The following ANKS3 variants were observed in gnomAD, a reference collection of about 807,000 sequenced individuals.
The protein encoded by ANKS3 is ankyrin repeat and sterile alpha motif domain containing 3.
A neutral mutation model predicts 80.7 loss-of-function variants in ANKS3; 62 were observed. The ratio of observed to expected loss-of-function variants is 0.77; its 90% confidence interval spans 0.63 to 0.95. The LOEUF (loss-of-function observed/expected upper bound fraction) is 0.95, where lower values mean the gene tolerates loss of function less well. Ranked by LOEUF, ANKS3 falls within the 40% of genes least tolerant of loss-of-function variation. The probability of loss-of-function intolerance (pLI) is 0.00; values close to 1 mark genes in which losing one functional copy is unlikely to be tolerated. For missense variants in ANKS3, 1,150 were observed against 883.6 expected (o/e 1.30, Z -3.82); for synonymous variants, 489 against 355.3 (o/e 1.38, Z -4.23).
At position 4,730,092 on chromosome 16, in the gene ANKS3, T is replaced by C. The variant is rs144184006; in HGVS notation, c.58A>G (p.Met20Val). The C allele has an allele frequency of 7.7e-5, 122 of 1,594,216 alleles. No individual in the cohort carries two copies. In the African/African-American group the frequency reaches 1.2e-3, roughly 16 times the overall value. ...ACCTGTGTCCCGAGCCCGTGCCACA[T>C]GGACAAGCTGCGGTTCAGGAGTTCC... ...EPELLNRSLS[M>V]WHGLGTQVSG... is the part of the protein sequence containing the mutation. The change falls in exon 3 of 18, where the codon ATG (methionine) becomes GTG (valine). Residue 20 changes from methionine (M) to valine (V), a missense_variant. Coordinates refer to ENST00000304283, the MANE Select transcript of ANKS3 (RefSeq NM_133450.4).
At position 4,696,886 on chromosome 16, in the gene ANKS3, A is replaced by G. The variant is rs2079579629; in HGVS notation, c.*22T>C. ...CAGCTTCAGGGTGGACCAATCACCCAACGTCAGATTCTGAAAGAAAAAGCC... is the reference window on the plus strand; with the variant it reads ...CAGCTTCAGGGTGGACCAATCACCCGACGTCAGATTCTGAAAGAAAAAGCC... On this transcript the variant is annotated 3_prime_UTR_variant, in exon 18 of 18. Coordinates refer to ENST00000304283, the MANE Select transcript of ANKS3 (RefSeq NM_133450.4). The G allele has an allele frequency of 1.2e-6, 1 of 825,588 alleles. No individual in the cohort carries two copies. Among genetic ancestry groups the G allele is most frequent in the Non-Finnish European group, 1.9e-6 (1 of 513,500 alleles). The allele number at this position is 825,588 out of a possible 1,614,324, so 51.1% of individuals were successfully genotyped here.
chr16:4,725,642 A>T (rs2081309647), intron 5 of ANKS3, among the ~76,000 whole-genome samples: 1 of 152,194 alleles, frequency 6.6e-6, no homozygotes, highest in Non-Finnish European at 1.5e-5. Context: ...CTTCCAACTT[A>T]TAAAACTCAT....
intron 7 of ANKS3, among the ~76,000 whole-genome samples, chr16:4,710,429 C>T (rs2080423100): frequency 6.6e-6 from 1 of 152,154 alleles, no homozygotes. Context: ...TTTTCCAGGT[C>T]AGGTGCAGTA....
rs764592083 is a variant in ANKS3, at chr16:4,724,823, A to T, written c.500T>A (p.Ile167Lys). The change falls in exon 6 of 18, where the codon ATA (isoleucine) becomes AAA (lysine). Residue 167 changes from isoleucine to lysine, a missense_variant. Coordinates refer to ENST00000304283, the MANE Select transcript of ANKS3 (RefSeq NM_133450.4). ...SGANANVREP[I>K]CGFTPLMEAA... ...TTCCATCAAGGGAGTAAATCCACAT[A>T]TCGGCTCCCTGCAAGATGTGGGCCA... 7 of 1,613,988 alleles carry T rather than the reference A, an allele frequency of 4.3e-6. No homozygotes were observed. In the Admixed American group the frequency reaches 6.7e-5, roughly 15 times the overall value.
In ANKS3 at chr16:4,698,904, C is replaced by A. The variant is rs1351002636; in HGVS notation, c.1447G>T (p.Ala483Ser). The A allele has an allele frequency of 6.3e-7, 1 of 1,598,758 alleles. No homozygotes were observed. Among genetic ancestry groups the A allele is most frequent in the Admixed American group, 1.7e-5 (1 of 59,244 alleles). Residue 483 changes from alanine to serine, a missense_variant, in exon 13 of 18, where the codon GCC (alanine) becomes TCC (serine). By Grantham distance (99) the Ala-to-Ser change is moderately conservative. Transcript: ENST00000304283. Reference protein sequence around the residue: ...GPKRKMTSAIARWHSSARPPG... With the variant: ...GPKRKMTSAISRWHSSARPPG... ...GGGCGGGCACTGCTGTGCCAGCGGGCAATGGCGGACGTCATCTTCCTCTTG... is the reference window on the plus strand; with the variant it reads ...GGGCGGGCACTGCTGTGCCAGCGGGAAATGGCGGACGTCATCTTCCTCTTG...
At chr16:4,729,909 C>G in intron 3 of ANKS3, 71 bp downstream of exon 3, 1 of 1,347,966 alleles carries the variant, frequency 7.4e-7, no homozygotes, top group Admixed American at 2.7e-5. Flanking sequence ...TGTGCAAAGC[C>G]CCATCACGTG....
chr16:4,725,905 G>A (rs1004254887), intron 5 of ANKS3, among the ~76,000 whole-genome samples: 10 of 150,324 alleles, frequency 6.7e-5, no homozygotes, highest in Admixed American at 3.3e-4. Context: ...TGATCTGCCC[G>A]CCTTGGCCTC....
rs757989646 is a variant in ANKS3 at position 4,724,728 on chromosome 16, G to A, written c.573+22C>T. 8 of 1,604,826 alleles carry A rather than the reference G, an allele frequency of 5.0e-6. No individual in the cohort carries two copies. In the African/African-American group the frequency reaches 1.1e-4, roughly 21 times the overall value. On this transcript the variant is annotated intron_variant, in intron 6 of 17. Transcript: ENST00000304283. ...CTCATTTGCCGTGACTACATTACAT[G>A]CTAATAATCAGGGTCACTTACGTGA...
At position 4,726,772 on chromosome 16, in the gene ANKS3, T is replaced by C. The variant is rs562824703; in HGVS notation, c.378A>G (p.Ala126=). 4.8e-5 allele frequency: 77 copies of C among 1,613,040 alleles called. 2 individuals are homozygous for C. In the South Asian group the frequency reaches 6.8e-4, roughly 14 times the overall value. The change falls in exon 5 of 18, where the codon GCA becomes GCG. Residue 126 remains alanine, a synonymous_variant. Coordinates refer to ENST00000304283, the MANE Select transcript of ANKS3 (RefSeq NM_133450.4). ...SIAYFLLQQG[A]ELEMKDIQGW... Reference sequence around the variant, plus strand: ...CCTGGATGTCTTTCATTTCTAGCTCTGCACCTTGCTTCAAGAGAACACAGA... The same window carrying C: ...CCTGGATGTCTTTCATTTCTAGCTCCGCACCTTGCTTCAAGAGAACACAGA...
chr16:4,726,827 T>C (rs564747651), intron 4 of ANKS3, 47 bp from the exon 5 acceptor site: 1 of 1,602,992 alleles, frequency 6.2e-7, no homozygotes, highest in Non-Finnish European at 8.5e-7. Context: ...CTCCTCTGCG[T>C]GGGGCGGGCG....
rs191003565 is a variant in ANKS3 at position 4,716,000 on chromosome 16, A to G, written c.574-1814T>C. Among the ~76,000 whole-genome samples the G allele has an allele frequency of 1.6e-3, 238 of 152,220 alleles. 1 individual carries two copies. Among genetic ancestry groups the G allele is most frequent in the African/African-American group, 5.6e-3 (232 of 41,538 alleles). ...CCAGAAAACAGAGCGCCTCCCGCCC[A>G]TTTACGTGGTGGGTGGGAGTACCTG... On this transcript the variant is annotated intron_variant, in intron 6 of 17. Coordinates refer to ENST00000304283, the MANE Select transcript of ANKS3 (RefSeq NM_133450.4).
chr16:4,723,366 G>C (rs1267636103), intron 6 of ANKS3, among the ~76,000 whole-genome samples: 1 of 152,194 alleles, frequency 6.6e-6, no homozygotes, highest in African/African-American at 2.4e-5. Flanking sequence ...TCCTATGAGT[G>C]AAATCACCTA....
At position 4,698,861 on chromosome 16, in the gene ANKS3, T is replaced by G. The variant is rs959081693; in HGVS notation, c.1490A>C (p.Glu497Ala). The change falls in exon 13 of 18, where the codon GAG becomes GCG. Residue 497 changes from glutamate (E) to alanine (A), a missense_variant. Coordinates refer to ENST00000304283, the MANE Select transcript of ANKS3 (RefSeq NM_133450.4). ...SSARPPGDAL[E>A]LAYADRLEAE... ...CTCCAGCCGGTCGGCGTAGGCCAGC[T>G]CCAGGGCATCCCCGGGTGGGCGGGC... 2.5e-6 allele frequency: 4 copies of G among 1,603,336 alleles called. No homozygotes were observed. The African/African-American group carries it at 5.3e-5, about 21-fold the overall frequency.
chr16:4,721,198 G>T (rs1271634615), intron 6 of ANKS3, among the ~76,000 whole-genome samples: 2 of 148,828 alleles, frequency 1.3e-5, no homozygotes, highest in Non-Finnish European at 3.0e-5. Context: ...CCAGCTACTC[G>T]GGAGGCTGAG....
In ANKS3 at chr16:4,716,701, G is replaced by C. The variant is rs1036898447; in HGVS notation, c.574-2515C>G. 4.6e-5 allele frequency among the ~76,000 whole-genome samples: 7 copies of C among 151,474 alleles called. No individual in the cohort carries two copies. The East Asian group carries it at 1.4e-3, about 30-fold the overall frequency. ...GGGGGACCAAGGTGGGTGGATCATA[G>C]GTCATGAGTTCGAGACCAGCCTGGG... is the stretch of plus-strand genomic sequence containing the variant. On this transcript the variant is annotated intron_variant, in intron 6 of 17. Transcript: ENST00000304283.
At chr16:4,714,990 CAA>C (rs753327026) in intron 6 of ANKS3, among the ~76,000 whole-genome samples, 10 of 36,614 alleles carry the variant, frequency 2.7e-4, no homozygotes, top group African/African-American at 1.2e-3. Flanking sequence ...GACTCTGTCT[CAA>C]AAAAAAAAAA....
chr16:4,724,226 T>C (rs1028642586), intron 6 of ANKS3, among the ~76,000 whole-genome samples: 5 of 152,238 alleles, frequency 3.3e-5, no homozygotes, highest in African/African-American at 1.2e-4. Flanking sequence ...CTGAGGCAGA[T>C]TGTACACGGA....
At chr16:4,733,481 G>T (rs1046717687) in intron 1 of ANKS3, among the ~76,000 whole-genome samples, 1 of 151,938 alleles carries the variant, frequency 6.6e-6, no homozygotes, top group Non-Finnish European at 1.5e-5. Flanking sequence ...TAGTAGAGAC[G>T]AAGTGTCCCC....
At chr16:4,731,776 G>A (rs1306325397) in intron 1 of ANKS3, among the ~76,000 whole-genome samples, 197 bp from the exon 2 acceptor site, 3 of 152,160 alleles carry the variant, frequency 2.0e-5, no homozygotes, top group African/African-American at 7.2e-5. Context: ...GAGCTATGGG[G>A]GGAAATATAA....
Sources: gnomAD v4.1 joint callset for allele counts (sites outside exome capture counted in the v4.1 genomes callset) on GRCh38, gnomAD v4.1.1 for gene constraint, MANE v1.5 for transcripts, NCBI Gene and HGNC (gene_info 2026-07-23, HGNC 2026-07-21) for gene names.